The following KIF26B variants were observed in gnomAD, a reference collection of about 807,000 sequenced individuals.
KIF26B encodes kinesin family member 26B, also known as kinesin-like protein KIF26B.
KIF26B carries 63 observed loss-of-function variants against 151.2 expected under a neutral mutation model. The ratio of observed to expected loss-of-function variants is 0.42; its 90% CI spans 0.34 to 0.51. KIF26B has a LOEUF of 0.51. Ranked by LOEUF, KIF26B falls within the 20% of genes least tolerant of loss-of-function variation. KIF26B has a pLI of 0.07. For missense variants in KIF26B, 2,813 were observed against 2,913.6 expected, an observed-to-expected ratio of 0.97 and a Z score of 0.79; for synonymous variants, 1,357 against 1,262.1, an observed-to-expected ratio of 1.08 and a Z score of -1.59.
rs543101124 is a variant in KIF26B at position 245,168,101 on chromosome 1, G to T, written c.465+11418G>T. 9.8e-5 allele frequency among the ~76,000 whole-genome samples: 15 copies of T among 152,288 alleles called. No individual in the cohort carries two copies. In the South Asian group the frequency reaches 2.9e-3, roughly 29 times the overall value. The stretch of plus-strand genomic sequence containing the variant: ...TAATCTAAGAGCATGGTAGTCGGTG[G>T]GCTCTAAGCTTCTCCCAAGCCTGTG... On this transcript the variant is annotated intron_variant, in intron 2 of 14. Transcript: ENST00000407071.
At chr1:245,164,945 C>T (rs1668591129) in intron 2 of KIF26B, among the ~76,000 whole-genome samples, 1 of 152,040 alleles carries the variant, frequency 6.6e-6, no homozygotes, top group East Asian at 1.9e-4. Flanking sequence ...TGGTGGCCCA[C>T]ACCTGTAATC....
At chr1:245,206,539 C>T (rs1558344835) in intron 2 of KIF26B, 2 of 152,216 alleles carry the variant, frequency 1.3e-5, no homozygotes, top group Admixed American at 6.5e-5. Context: ...GACACAGTTG[C>T]ACATAGCTAT....
Position 245,688,309 on chromosome 1 carries a change from G to C in KIF26B, c.5326G>C (p.Gly1776Arg). ...GGGCCAGGGCTCCAGCTCGCCCCCC[G>C]GTGGGAAGCACACGCCCTGGTCCAC... ...AVGQGSSSPP[G>R]GKHTPWSTQS... The change falls in exon 12 of 15, where the codon GGT (glycine) becomes CGT (arginine). Residue 1776 changes from glycine (G) to arginine (R), a missense_variant. Physicochemically the swap from Gly to Arg is moderately radical, Grantham distance 125. This residue lies in a region of KIF26B where 2,060 missense variants were observed against 2,088.6 expected (regional missense o/e 0.99). Coordinates refer to ENST00000407071, the MANE Select transcript of KIF26B (RefSeq NM_018012.4). 6.3e-7 allele frequency: 1 copy of C among 1,595,392 alleles called. No individual in the cohort carries two copies.
chr1:245,535,261 A>G (rs1661464480), intron 4 of KIF26B, among the ~76,000 whole-genome samples: 1 of 152,214 alleles, frequency 6.6e-6, no homozygotes, highest in East Asian at 1.9e-4. Context: ...AAGATCAAAC[A>G]GCTGCTTATA....
At chr1:245,292,426 G>A (rs1228855879) in intron 2 of KIF26B, among the ~76,000 whole-genome samples, 2 of 152,150 alleles carry the variant, frequency 1.3e-5, no homozygotes, top group African/African-American at 4.8e-5. Flanking sequence ...GTGTCGCCGT[G>A]TAAGTCCTCA....
At chr1:245,158,709 C>A (rs1264779923) in intron 2 of KIF26B, among the ~76,000 whole-genome samples, 1 of 152,154 alleles carries the variant, frequency 6.6e-6, no homozygotes, top group East Asian at 1.9e-4. Flanking sequence ...TAAAGCGTGA[C>A]ATTTGGTGCA....
chr1:245,673,700 C>G (rs191776383), intron 10 of KIF26B: 1 of 152,146 alleles, frequency 6.6e-6, no homozygotes, highest in Non-Finnish European at 1.5e-5. Context: ...ACCTGAAACA[C>G]TCACTCACAC....
At chr1:245,470,983 G>T (rs917923584) in intron 4 of KIF26B, among the ~76,000 whole-genome samples, 3 of 151,970 alleles carry the variant, frequency 2.0e-5, no homozygotes, top group African/African-American at 7.3e-5. Flanking sequence ...TTCTGATCTT[G>T]TTTAGCTGGA....
chr1:245,538,876 C>G (rs576145152), intron 4 of KIF26B, among the ~76,000 whole-genome samples: 1 of 152,144 alleles, frequency 6.6e-6, no homozygotes, highest in East Asian at 1.9e-4. Flanking sequence ...ATGCCTTGTG[C>G]CAATGACTGA....
chr1:245,592,105 T>C (rs552985638), intron 5 of KIF26B, among the ~76,000 whole-genome samples: 1 of 152,338 alleles, frequency 6.6e-6, no homozygotes, highest in South Asian at 2.1e-4. Context: ...GTCCTGCACA[T>C]GCTCCCTCAC....
intron 10 of KIF26B, among the ~76,000 whole-genome samples, chr1:245,655,101 C>T (rs991987938): frequency 1.3e-5 from 2 of 152,196 alleles, no homozygotes; most frequent in African/African-American, 4.8e-5. Context: ...TTGCAACCTG[C>T]GCCGTTGAGC....
At chr1:245,598,286 C>T (rs1270557216) in intron 5 of KIF26B, among the ~76,000 whole-genome samples, 1 of 152,146 alleles carries the variant, frequency 6.6e-6, no homozygotes, top group African/African-American at 2.4e-5. Flanking sequence ...AAACAAAGCT[C>T]ATGCATGAGA....
intron 4 of KIF26B, among the ~76,000 whole-genome samples, chr1:245,500,816 A>G (rs1660605958): frequency 6.6e-6 from 1 of 152,212 alleles, no homozygotes; most frequent in Non-Finnish European, 1.5e-5. Flanking sequence ...GAATTAATTG[A>G]TTTGTATCTT....
chr1:245,511,184 T>G, intron 4 of KIF26B: 1 of 680,540 alleles, frequency 1.5e-6, no homozygotes. Context: ...TTCTTGCTAT[T>G]TTTTTTTTAC....
Position 245,644,288 on chromosome 1 carries a change from AT to A in KIF26B, c.2099-1825del, listed in dbSNP as rs372655055. The stretch of plus-strand genomic sequence containing the variant: ...ATCTGCCATTCATCTCATCTACTAT[AT>A]TTTTTTTATCTCACACATTGTAGTT... On this transcript the variant is annotated intron_variant, in intron 9 of 14. Coordinates refer to ENST00000407071, the MANE Select transcript of KIF26B (RefSeq NM_018012.4). 3.9e-3 allele frequency among the ~76,000 whole-genome samples: 588 copies of A among 151,180 alleles called. 2 individuals are homozygous for A. The highest frequency in any genetic ancestry group is 0.013 in the African/African-American group (522 of 41,140).
intron 2 of KIF26B, among the ~76,000 whole-genome samples, chr1:245,310,001 A>G (rs1168137639): frequency 2.7e-5 from 4 of 147,720 alleles, no homozygotes; most frequent in Middle Eastern, 3.6e-3. Context: ...GCCAATACAA[A>G]CACTCCATAT....
intron 2 of KIF26B, among the ~76,000 whole-genome samples, chr1:245,165,544 G>A (rs1668601607): frequency 6.6e-6 from 1 of 152,170 alleles, no homozygotes; most frequent in South Asian, 2.1e-4. Context: ...GCGTAGAGAA[G>A]GTGATGGAAT....
chr1:245,249,674 G>A (rs571834204), intron 2 of KIF26B, among the ~76,000 whole-genome samples: 1 of 151,908 alleles, frequency 6.6e-6, no homozygotes, highest in South Asian at 2.1e-4. Context: ...GTAGAGATGG[G>A]GTTTCACCAT....
intron 2 of KIF26B, among the ~76,000 whole-genome samples, chr1:245,173,470 A>G (rs4658713): frequency 0.42 from 63,269 of 152,112 alleles, 16,064 homozygotes; most frequent in Admixed American, 0.56. Context: ...TCATGAGGGT[A>G]ATCATGGTAA....
Sources: allele counts gnomAD v4.1 joint callset (sites outside exome capture counted in the v4.1 genomes callset), GRCh38; gene constraint gnomAD v4.1.1; regional missense constraint gnomAD v4.1.1; transcripts MANE v1.5; gene names NCBI Gene and HGNC (gene_info 2026-07-23, HGNC 2026-07-21).